PCDH9: variants seen among roughly 807,000 people sequenced by gnomAD.
The protein encoded by PCDH9 is protocadherin-9.
In PCDH9, 24 loss-of-function variants were observed where a neutral mutation model predicts 70.6. The ratio of observed to expected loss-of-function variants is 0.34; its 90% CI spans 0.25 to 0.48. PCDH9 has a LOEUF of 0.48. Among genes scored for constraint, PCDH9 ranks in the 20% least tolerant of loss-of-function variants. PCDH9 has a pLI of 0.99. For synonymous variants in PCDH9, 562 were observed against 558.5 expected (o/e 1.01, Z -0.09); for missense variants, 1,281 against 1,503.6 (o/e 0.85, Z 2.45).
At chr13:66,522,019 A>G (rs902212600) in intron 4 of PCDH9, among the ~76,000 whole-genome samples, 5 of 102,256 alleles carry the variant, frequency 4.9e-5, no homozygotes, top group African/African-American at 1.1e-4. Flanking sequence ...AAAAAAAAGT[A>G]TGTGTGTGTA....
intron 4 of PCDH9, among the ~76,000 whole-genome samples, chr13:66,326,398 A>T (rs1168280910): frequency 3.4e-5 from 4 of 116,990 alleles, no homozygotes; most frequent in Non-Finnish European, 6.9e-5. Flanking sequence ...TTCTTCTTCT[A>T]AAAAAAAAAA....
intron 2 of PCDH9, among the ~76,000 whole-genome samples, chr13:66,907,789 A>T (rs1262046746): frequency 6.6e-6 from 1 of 152,140 alleles, no homozygotes; most frequent in Non-Finnish European, 1.5e-5. Flanking sequence ...GCTTAGTATT[A>T]TTTATTATTC....
intron 2 of PCDH9, among the ~76,000 whole-genome samples, chr13:67,187,738 G>T (rs2088796084): frequency 6.6e-6 from 1 of 151,826 alleles, no homozygotes; most frequent in Non-Finnish European, 1.5e-5. Flanking sequence ...GTTCTCCAAA[G>T]GACAAAGTGA....
chr13:67,195,371 C>A (rs765078354), intron 2 of PCDH9, among the ~76,000 whole-genome samples: 6 of 152,092 alleles, frequency 3.9e-5, no homozygotes, highest in Non-Finnish European at 8.8e-5. Flanking sequence ...TCTCGATCTC[C>A]TGACCCTGTG....
chr13:67,147,520 C>T (rs769793247), intron 2 of PCDH9, among the ~76,000 whole-genome samples: 5 of 152,132 alleles, frequency 3.3e-5, no homozygotes, highest in Admixed American at 2.0e-4. Context: ...AGAGAGTCTA[C>T]GCTTGCCTTA....
chr13:66,538,835 A>G (rs1296031096), intron 4 of PCDH9, among the ~76,000 whole-genome samples: 3 of 152,090 alleles, frequency 2.0e-5, no homozygotes, highest in Non-Finnish European at 4.4e-5. Context: ...GATGGAATGC[A>G]TTTTTCTCCA....
At chr13:66,816,396 C>T (rs2080605563) in intron 3 of PCDH9, among the ~76,000 whole-genome samples, 1 of 152,044 alleles carries the variant, frequency 6.6e-6, no homozygotes. Flanking sequence ...CAGGTAGAAC[C>T]CAAGTGCATG....
At chr13:67,027,096 C>T (rs1267029232) in intron 2 of PCDH9, among the ~76,000 whole-genome samples, 2 of 151,896 alleles carry the variant, frequency 1.3e-5, no homozygotes, top group South Asian at 2.1e-4. Context: ...AAAAAGAGCC[C>T]GCATTGCCAA....
intron 4 of PCDH9, among the ~76,000 whole-genome samples, chr13:66,331,687 G>A (rs1392832225): frequency 6.6e-6 from 1 of 152,114 alleles, no homozygotes; most frequent in Non-Finnish European, 1.5e-5. Flanking sequence ...ACTCTGCTAG[G>A]TATAAGGAAT....
intron 2 of PCDH9, among the ~76,000 whole-genome samples, chr13:67,047,221 A>C (rs1308085748): frequency 6.6e-6 from 1 of 152,152 alleles, no homozygotes; most frequent in African/African-American, 2.4e-5. Flanking sequence ...GGTGCTTACA[A>C]GCTCCACTGT....
At chr13:67,091,714 A>G (rs921335619) in intron 2 of PCDH9, among the ~76,000 whole-genome samples, 1 of 152,214 alleles carries the variant, frequency 6.6e-6, no homozygotes, top group Non-Finnish European at 1.5e-5. Flanking sequence ...TATAAAATGT[A>G]TGTAAAAATT....
At chr13:67,156,470 G>A (rs1357437428) in intron 2 of PCDH9, among the ~76,000 whole-genome samples, 1 of 151,980 alleles carries the variant, frequency 6.6e-6, no homozygotes, top group African/African-American at 2.4e-5. Context: ...GCACTGTCCC[G>A]GTGGGAGTGG....
chr13:66,955,524 T>G (rs1404254372), intron 2 of PCDH9, among the ~76,000 whole-genome samples: 1 of 152,170 alleles, frequency 6.6e-6, no homozygotes, highest in East Asian at 1.9e-4. Context: ...TTGTTGGGAC[T>G]TTTAAGGATT....
chr13:66,980,726 C>CTTTTTTTTTTTTTTTTTT (rs1327800250), intron 2 of PCDH9, among the ~76,000 whole-genome samples: 1 of 33,400 alleles, frequency 3.0e-5, no homozygotes, highest in Non-Finnish European at 6.7e-5. Flanking sequence ...CTGTTTTTTT[C>CTTTTTTTTTTTTTTTTTT]TTTGTTTTTT....
chr13:66,738,425 C>T lies in PCDH9; in HGVS notation c.3139-107014G>A, dbSNP rs376276994. On this transcript the variant is annotated intron_variant, in intron 3 of 4. Coordinates refer to ENST00000377865, the MANE Select transcript of PCDH9 (RefSeq NM_203487.3). ...GACAGAAAAACTGGAAACTGTAAAA[C>T]GCAGAGCGCCTCTCCTCCTCCAAAG... Among the ~76,000 whole-genome samples, 45 of 151,860 alleles carry T rather than the reference C, an allele frequency of 3.0e-4. No individual in the cohort carries two copies. In the East Asian group the frequency reaches 4.3e-3, roughly 14 times the overall value.
At chr13:67,108,648 T>C (rs2086595449) in intron 2 of PCDH9, among the ~76,000 whole-genome samples, 1 of 152,208 alleles carries the variant, frequency 6.6e-6, no homozygotes, top group African/African-American at 2.4e-5. Flanking sequence ...CACAAGAATA[T>C]AGCAGACTAA....
chr13:66,700,212 T>C (rs1359489209), intron 3 of PCDH9, among the ~76,000 whole-genome samples: 4 of 152,066 alleles, frequency 2.6e-5, no homozygotes, highest in African/African-American at 9.7e-5. Flanking sequence ...TGTAATGCAA[T>C]AATTAGGCTG....
intron 3 of PCDH9, among the ~76,000 whole-genome samples, chr13:66,702,595 C>G (rs573030021): frequency 1.3e-5 from 2 of 152,268 alleles, no homozygotes; most frequent in South Asian, 2.1e-4. Flanking sequence ...CCATGCCCCC[C>G]ACCAGTATAC....
At chr13:66,919,766 C>T (rs992371053) in intron 2 of PCDH9, among the ~76,000 whole-genome samples, 3 of 150,926 alleles carry the variant, frequency 2.0e-5, no homozygotes, top group Admixed American at 1.3e-4. Flanking sequence ...CCTCTTCTGC[C>T]TGTCAAGGAA....
Sources: gnomAD v4.1 joint callset for allele counts (sites outside exome capture counted in the v4.1 genomes callset) on GRCh38, gnomAD v4.1.1 for gene constraint, MANE v1.5 for transcripts, NCBI Gene and HGNC (gene_info 2026-07-23, HGNC 2026-07-21) for gene names.